Variants in POTEF observed in about 807,000 individuals in gnomAD.
The protein encoded by POTEF is ANKRD26-like family C member 1B.
A neutral mutation model predicts 83.2 loss-of-function variants in POTEF; 20 were observed. The ratio of observed to expected loss-of-function variants is 0.24; its 90% CI spans 0.17 to 0.35. The LOEUF (loss-of-function observed/expected upper bound fraction) is 0.35, where lower values mean the gene tolerates loss of function less well. POTEF is among the 10% of genes least tolerant of loss of function. The probability of loss-of-function intolerance (pLI) is 1.00; values close to 1 mark genes in which losing one functional copy is unlikely to be tolerated. For missense variants in POTEF, 550 were observed against 1,203.2 expected (o/e 0.46, Z 8.03); for synonymous variants, 196 against 446.4 (o/e 0.44, Z 7.07).
Position 130,120,281 on chromosome 2 carries a change from TGCTCTTGCC to T in POTEF, c.226_234del (p.Gly76_Ser78del). 6.2e-7 allele frequency: 1 copy of T among 1,607,070 alleles called. No individual in the cohort carries two copies. Among genetic ancestry groups the T allele is most frequent in the African/African-American group, 1.4e-5 (1 of 71,172 alleles). The stretch of plus-strand genomic sequence containing the variant: ...TCGTGGTCTCCAGAAGCGCCCACGT[TGCTCTTGCC>T]ACTCCCCCTGCAGCAGGGGAAGCAG... On this transcript the variant is annotated inframe_deletion, in exon 3 of 17. Transcript: ENST00000409914.
At position 130,120,190 on chromosome 2, in the gene POTEF, C is replaced by G. The variant is rs760510682; in HGVS notation, c.326G>C (p.Cys109Ser). The G allele has an allele frequency of 6.9e-6, 11 of 1,597,524 alleles. No homozygotes were observed. The highest frequency in any genetic ancestry group is 9.4e-6 in the Non-Finnish European group (11 of 1,174,200). Residue 109 changes from cysteine (C) to serine (S), a missense_variant, in exon 3 of 17, where the codon TGC becomes TCC. Cys to Ser is a moderately radical substitution (Grantham distance 112). Transcript: ENST00000409914. Reference protein sequence around the residue: ...GKWCCHCFPCCRGSSKSKVGA... With the variant: ...GKWCCHCFPCSRGSSKSKVGA... ...CACCTTGCTCTTGCTGCTCCCCCTGCAGCAGGGGAAGCAGTGGCAGCACCA... is the reference window on the plus strand; with the variant it reads ...CACCTTGCTCTTGCTGCTCCCCCTGGAGCAGGGGAAGCAGTGGCAGCACCA...
chr2:130,126,887 G>A (rs1005523664), intron 2 of POTEF, among the ~76,000 whole-genome samples: 4 of 151,778 alleles, frequency 2.6e-5, no homozygotes, highest in African/African-American at 9.7e-5. Flanking sequence ...AAAATGAAGA[G>A]GAACAAGAAG....
intron 2 of POTEF, among the ~76,000 whole-genome samples, chr2:130,126,267 CACTCCAGCCTGGGCAACAAGAGCAAA>C (rs1685088589): frequency 7.7e-6 from 1 of 129,072 alleles, no homozygotes; most frequent in African/African-American, 3.0e-5. Context: ...CGCCCCATTG[CACTCCAGCCTGGGCAACAAGAGCAAA>C]ACTCCATCTC....
chr2:130,076,870 T>C (rs1683822062), intron 16 of POTEF, among the ~76,000 whole-genome samples: 2 of 151,280 alleles, frequency 1.3e-5, no homozygotes, highest in Non-Finnish European at 1.5e-5. Context: ...ATTGAGGCCA[T>C]TGTGCAGGTC....
At position 130,111,684 on chromosome 2, in the gene POTEF, ATAAAG is replaced by A. The variant is rs1684714134; in HGVS notation, c.917+306_917+310del. Among the ~76,000 whole-genome samples the A allele has an allele frequency of 4.6e-5, 7 of 151,042 alleles. No homozygotes were observed. The South Asian group carries it at 1.5e-3, about 31-fold the overall frequency. On this transcript the variant is annotated intron_variant, in intron 6 of 16. Coordinates refer to ENST00000409914, the MANE Select transcript of POTEF (RefSeq NM_001099771.2). ...GGGTTAAGAAGTTCAATACTGAGTC[ATAAAG>A]TAAACTAAAAGTTAAAGTTCAAACT...
Position 130,105,032 on chromosome 2 carries a change from G to T in POTEF, c.1127-2852C>A, listed in dbSNP as rs2599850. 2.1e-4 allele frequency among the ~76,000 whole-genome samples: 31 copies of T among 149,676 alleles called. No homozygotes were observed. In the East Asian group the frequency reaches 2.7e-3, roughly 13 times the overall value. On this transcript the variant is annotated intron_variant, in intron 8 of 16. Transcript: ENST00000409914. ...TATTCACCAGAAAATTTCCTCCTTC[G>T]TCCTCACATCCAGGTTAAATACTAC...
rs969345231 is a variant in POTEF, at chr2:130,100,847, ATAAT to A, written c.1198-131_1198-128del. On this transcript the variant is annotated intron_variant, in intron 9 of 16. Coordinates refer to ENST00000409914, the MANE Select transcript of POTEF (RefSeq NM_001099771.2). ...AGTATGGACAATGAAAAATTAGAAAATAATTAAAATTAAAATTTAACTGTTAAAT... is the reference window on the plus strand; with the variant it reads ...AGTATGGACAATGAAAAATTAGAAAATAAAATTAAAATTTAACTGTTAAAT... The A allele has an allele frequency of 2.5e-4, 146 of 590,986 alleles. 1 individual carries two copies. The highest frequency in any genetic ancestry group is 6.5e-5 in the Non-Finnish European group (26 of 402,300). The allele number at this position is 590,986 out of a possible 1,614,324, so 36.6% of individuals were successfully genotyped here.
intron 11 of POTEF, among the ~76,000 whole-genome samples, chr2:130,094,896 A>G (rs1345562829): frequency 4.1e-4 from 59 of 143,860 alleles, no homozygotes; most frequent in African/African-American, 1.2e-3. Context: ...GTGAATAACC[A>G]CAATATTGGG....
chr2:130,127,096 T>C lies in POTEF; in HGVS notation c.-94+613A>G, dbSNP rs1298278388. 1.7e-4 allele frequency among the ~76,000 whole-genome samples: 26 copies of C among 150,072 alleles called. 1 individual carries two copies. Among genetic ancestry groups the C allele is most frequent in the African/African-American group, 5.4e-4 (22 of 40,618 alleles). On this transcript the variant is annotated intron_variant, in intron 2 of 16. Coordinates refer to ENST00000409914, the MANE Select transcript of POTEF (RefSeq NM_001099771.2). ...TAGCACTTTGGGAGGCCAAGGTGGG[T>C]GGATCATGAGGTCAGGTGATCTAGA...
intron 2 of POTEF, among the ~76,000 whole-genome samples, chr2:130,123,164 A>C (rs1558897609): frequency 7.3e-6 from 1 of 137,538 alleles, no homozygotes. Flanking sequence ...AAAACCTATC[A>C]ATGCAAACCA....
intron 10 of POTEF, 151 bp downstream of exon 10, chr2:130,100,525 A>C (rs1684339271): frequency 7.4e-7 from 1 of 1,347,436 alleles, no homozygotes; most frequent in African/African-American, 1.7e-5. Context: ...CTCAATGTAC[A>C]GAATTCTTTC....
chr2:130,105,225 A>C (rs1464354647), intron 8 of POTEF, among the ~76,000 whole-genome samples: 1 of 150,900 alleles, frequency 6.6e-6, no homozygotes, highest in African/African-American at 2.5e-5. Flanking sequence ...TTATTTAAAA[A>C]AAAGCCTGCC....
intron 5 of POTEF, among the ~76,000 whole-genome samples, chr2:130,114,286 C>T (rs1004789871): frequency 2.0e-5 from 3 of 151,864 alleles, no homozygotes; most frequent in African/African-American, 7.3e-5. Flanking sequence ...AATCAGTCAA[C>T]AACAACAACA....
At chr2:130,123,071 A>T (rs1396612033) in intron 2 of POTEF, among the ~76,000 whole-genome samples, 1 of 135,406 alleles carries the variant, frequency 7.4e-6, no homozygotes, top group South Asian at 2.7e-4. Flanking sequence ...CTGTTGTAAT[A>T]CACTGATTGT....
chr2:130,083,400 G>A (rs1683945255), intron 15 of POTEF, among the ~76,000 whole-genome samples: 1 of 151,748 alleles, frequency 6.6e-6, no homozygotes, highest in Admixed American at 6.6e-5. Flanking sequence ...ATGTCCAAAA[G>A]GAGAAAGATG....
chr2:130,118,738 G>A (rs530941560), intron 3 of POTEF, among the ~76,000 whole-genome samples: 1 of 151,382 alleles, frequency 6.6e-6, no homozygotes, highest in African/African-American at 2.4e-5. Context: ...TATATAAATA[G>A]GCATTTGTAT....
chr2:130,127,324 CAAAAAAAAAAAA>C (rs57173649), intron 2 of POTEF, among the ~76,000 whole-genome samples: 16 of 12,446 alleles, frequency 1.3e-3, no homozygotes, highest in African/African-American at 4.0e-3. Context: ...GACTCTGTCT[CAAAAAAAAAAAA>C]AAAAAAAAAA....
At chr2:130,105,184 A>G (rs548544497) in intron 8 of POTEF, among the ~76,000 whole-genome samples, 1 of 147,762 alleles carries the variant, frequency 6.8e-6, no homozygotes, top group South Asian at 2.2e-4. Context: ...TCCCACTGCC[A>G]CTGGGAACAC....
intron 5 of POTEF, among the ~76,000 whole-genome samples, chr2:130,114,016 C>A (rs1304626550): frequency 6.6e-6 from 1 of 152,084 alleles, no homozygotes; most frequent in Admixed American, 6.5e-5. Flanking sequence ...CATCCAGACA[C>A]TCTAGATTTG....
Sources: gnomAD v4.1 joint callset for allele counts (sites outside exome capture counted in the v4.1 genomes callset) on GRCh38, gnomAD v4.1.1 for gene constraint, MANE v1.5 for transcripts, NCBI Gene and HGNC (gene_info 2026-07-23, HGNC 2026-07-21) for gene names.